Variants in CDKAL1 observed in about 807,000 individuals in gnomAD.
CDKAL1 encodes CDKAL1 threonylcarbamoyladenosine tRNA methylthiotransferase, also known as threonylcarbamoyladenosine tRNA methylthiotransferase.
CDKAL1 carries 32 observed loss-of-function variants against 68.2 expected under a neutral mutation model. The observed-to-expected ratio is 0.47, with a 90% CI of 0.35 to 0.63. CDKAL1 has a LOEUF of 0.63. Ranked by LOEUF, CDKAL1 falls within the 30% of genes least tolerant of loss-of-function variation. The pLI is 0.00. For missense variants in CDKAL1, 606 were observed against 696.7 expected (o/e 0.87, Z 1.47); for synonymous variants, 234 against 244.3 (o/e 0.96, Z 0.39).
chr6:20,616,839 C>CACACACACACACACA (rs1766928603), intron 4 of CDKAL1, among the ~76,000 whole-genome samples: 2 of 121,312 alleles, frequency 1.6e-5, no homozygotes, highest in African/African-American at 3.2e-5. Flanking sequence ...CCCGACTCTA[C>CACACACACACACACA]CACACACACA....
At chr6:21,071,376 T>C (rs1432744013) in intron 12 of CDKAL1, among the ~76,000 whole-genome samples, 1 of 152,166 alleles carries the variant, frequency 6.6e-6, no homozygotes, top group African/African-American at 2.4e-5. Flanking sequence ...GGGTGCCTGC[T>C]GCCCCTTCCA....
chr6:21,200,075 AG>A (rs1394788130), intron 14 of CDKAL1, among the ~76,000 whole-genome samples: 3 of 152,262 alleles, frequency 2.0e-5, no homozygotes, highest in Non-Finnish European at 2.9e-5. Flanking sequence ...TAGATATCCA[AG>A]TATTACTGGA....
At chr6:21,156,391 T>TC (rs2151056818) in intron 13 of CDKAL1, among the ~76,000 whole-genome samples, 1 of 130,652 alleles carries the variant, frequency 7.7e-6, no homozygotes, top group South Asian at 2.4e-4. Flanking sequence ...GCCACTGTAC[T>TC]CCAGCTTGGG....
intron 9 of CDKAL1, among the ~76,000 whole-genome samples, chr6:20,881,313 G>A (rs192899403): frequency 2.2e-3 from 335 of 152,292 alleles, no homozygotes; most frequent in Middle Eastern, 0.01. Context: ...AAGAAACACT[G>A]AAAACAGACT....
At chr6:20,972,494 A>C (rs1765645335) in intron 10 of CDKAL1, among the ~76,000 whole-genome samples, 1 of 152,194 alleles carries the variant, frequency 6.6e-6, no homozygotes, top group Non-Finnish European at 1.5e-5. Context: ...CAAGTCCTTC[A>C]GATTTTTTGA....
chr6:20,573,486 T>G (rs1291763164), intron 4 of CDKAL1, among the ~76,000 whole-genome samples: 1 of 152,186 alleles, frequency 6.6e-6, no homozygotes, highest in Admixed American at 6.5e-5. Flanking sequence ...TGCATTTATT[T>G]CAAATTGTAT....
At chr6:20,971,624 T>C (rs1362002257) in intron 10 of CDKAL1, among the ~76,000 whole-genome samples, 4 of 152,228 alleles carry the variant, frequency 2.6e-5, no homozygotes, top group Non-Finnish European at 4.4e-5. Context: ...CTAACATATT[T>C]GTTATAGCTT....
intron 13 of CDKAL1, among the ~76,000 whole-genome samples, chr6:21,118,138 C>T (rs1036552222): frequency 6.6e-6 from 1 of 152,084 alleles, no homozygotes; most frequent in East Asian, 1.9e-4. Context: ...TTTGTTTCTC[C>T]GTGATACATT....
At chr6:21,119,685 T>C (rs1368385701) in intron 13 of CDKAL1, among the ~76,000 whole-genome samples, 1 of 152,202 alleles carries the variant, frequency 6.6e-6, no homozygotes, top group Non-Finnish European at 1.5e-5. Context: ...TATATTTTCT[T>C]AGTATCCCAC....
intron 4 of CDKAL1, among the ~76,000 whole-genome samples, chr6:20,549,755 T>G (rs1207713178): frequency 6.6e-6 from 1 of 150,738 alleles, no homozygotes; most frequent in East Asian, 2.0e-4. Flanking sequence ...TACAGGCATA[T>G]GCCACCATGC....
At chr6:20,589,190 T>C (rs532954940) in intron 4 of CDKAL1, among the ~76,000 whole-genome samples, 1 of 152,176 alleles carries the variant, frequency 6.6e-6, no homozygotes, top group African/African-American at 2.4e-5. Context: ...ATCATTGATA[T>C]CATTGATTAG....
intron 10 of CDKAL1, among the ~76,000 whole-genome samples, chr6:20,993,305 C>CT (rs1167830907): frequency 1.3e-5 from 2 of 151,346 alleles, no homozygotes; most frequent in Admixed American, 6.6e-5. Context: ...TATAGTTTGT[C>CT]TTTTTTTGGA....
chr6:20,683,606 C>G (rs1415058348), intron 5 of CDKAL1, among the ~76,000 whole-genome samples: 1 of 152,134 alleles, frequency 6.6e-6, no homozygotes, highest in Non-Finnish European at 1.5e-5. Context: ...GAGGAAGGTA[C>G]AGAGATGTTC....
At chr6:20,550,892 AG>A (rs1228731699) in intron 4 of CDKAL1, among the ~76,000 whole-genome samples, 6 of 113,574 alleles carry the variant, frequency 5.3e-5, no homozygotes, top group Non-Finnish European at 9.9e-5. Flanking sequence ...TTTGAGACAG[AG>A]TCTTGCTCTG....
chr6:21,048,876 C>T (rs1444575628), intron 11 of CDKAL1, among the ~76,000 whole-genome samples: 4 of 151,804 alleles, frequency 2.6e-5, no homozygotes, highest in Non-Finnish European at 5.9e-5. Context: ...AGATTTTGCC[C>T]TGTCCTGATA....
At chr6:20,732,835 G>A (rs1028138653) in intron 5 of CDKAL1, among the ~76,000 whole-genome samples, 2 of 151,856 alleles carry the variant, frequency 1.3e-5, no homozygotes, top group African/African-American at 4.8e-5. Flanking sequence ...CAAACTTTTT[G>A]TATGTGTCTC....
At chr6:21,209,172 G>A (rs1361927419) in intron 15 of CDKAL1, among the ~76,000 whole-genome samples, 1 of 152,172 alleles carries the variant, frequency 6.6e-6, no homozygotes, top group African/African-American at 2.4e-5. Context: ...CTGGCCTAGG[G>A]CAGCTAGAAC....
At chr6:20,633,817 A>C (rs1767777678) in intron 4 of CDKAL1, among the ~76,000 whole-genome samples, 1 of 152,124 alleles carries the variant, frequency 6.6e-6, no homozygotes, top group Admixed American at 6.6e-5. Flanking sequence ...GGCTATTTAT[A>C]TGTCTTTGGA....
chr6:20,967,611 T>C (rs1489868370), intron 10 of CDKAL1, among the ~76,000 whole-genome samples: 2 of 152,244 alleles, frequency 1.3e-5, no homozygotes, highest in African/African-American at 4.8e-5. Context: ...CTTTGTGCAG[T>C]TGTCTTTTAA....
Sources: allele counts gnomAD v4.1 joint callset (sites outside exome capture counted in the v4.1 genomes callset), GRCh38; gene constraint gnomAD v4.1.1; transcripts MANE v1.5; gene names NCBI Gene and HGNC (gene_info 2026-07-23, HGNC 2026-07-21).